MAN1A1: variants seen among roughly 807,000 people sequenced by gnomAD.
MAN1A1 encodes the protein mannosyl-oligosaccharide 1,2-alpha-mannosidase IA.
A neutral mutation model predicts 70.8 loss-of-function variants in MAN1A1; 29 were observed. That is an observed-to-expected ratio of 0.41 (90% CI 0.31 to 0.56). The LOEUF (loss-of-function observed/expected upper bound fraction) is 0.56. Among genes scored for constraint, MAN1A1 ranks in the 20% least tolerant of loss-of-function variants. MAN1A1 has a pLI of 0.29. For synonymous variants in MAN1A1, 349 were observed against 330.1 expected, an observed-to-expected ratio of 1.06 and a Z score of -0.62; for missense variants, 747 against 841.3, an observed-to-expected ratio of 0.89 and a Z score of 1.39.
intron 6 of MAN1A1, 90 bp downstream of exon 6, chr6:119,248,170 A>G (rs1775218705): frequency 3.6e-6 from 3 of 827,620 alleles, no homozygotes; most frequent in Middle Eastern, 2.4e-4. Context: ...CCAGTATCAT[A>G]TAAGTAATTA....
At chr6:119,243,815 G>A (rs928356229) in intron 6 of MAN1A1, among the ~76,000 whole-genome samples, 9 of 152,082 alleles carry the variant, frequency 5.9e-5, no homozygotes, top group Non-Finnish European at 8.8e-5. Flanking sequence ...GTGAGGGGTT[G>A]TGCCTCATTC....
chr6:119,315,968 C>T (rs187637034), intron 2 of MAN1A1, among the ~76,000 whole-genome samples: 8 of 152,202 alleles, frequency 5.3e-5, no homozygotes, highest in African/African-American at 7.2e-5. Flanking sequence ...TTAATTAACA[C>T]GGAAACTTTG....
Position 119,180,382 on chromosome 6 carries a change from T to G in MAN1A1, c.1765A>C (p.Arg589=), listed in dbSNP as rs549921713. 171 of 1,613,906 alleles carry G rather than the reference T, an allele frequency of 1.1e-4. 3 individuals are homozygous for G. The South Asian group carries it at 1.8e-3, about 17-fold the overall frequency. ...CRVNGGYSGL[R]DVYLLHESYD... ...CTCTCATGAAGAAGGTAAACATCCC[T>G]TAGGCCTGAATAGCCTCCATTCACT... Residue 589 remains arginine (R), a synonymous_variant, in exon 12 of 13, where the codon AGG becomes CGG. Transcript: ENST00000368468.
At chr6:119,340,714 C>T (rs185807126) in intron 2 of MAN1A1, among the ~76,000 whole-genome samples, 1 of 152,298 alleles carries the variant, frequency 6.6e-6, no homozygotes, top group African/African-American at 2.4e-5. Context: ...TTTATCCCCT[C>T]ATCTCCATGC....
At chr6:119,199,823 G>A (rs1166508910) in intron 8 of MAN1A1, among the ~76,000 whole-genome samples, 1 of 152,070 alleles carries the variant, frequency 6.6e-6, no homozygotes. Context: ...GGGCCGAGGT[G>A]GGAAGATAGC....
At chr6:119,346,775 T>C (rs1197819877) in intron 2 of MAN1A1, among the ~76,000 whole-genome samples, 1 of 152,226 alleles carries the variant, frequency 6.6e-6, no homozygotes, top group Non-Finnish European at 1.5e-5. Context: ...ACTGTGATTT[T>C]TGTACTAGCT....
At chr6:119,224,994 G>A (rs1400361430) in intron 6 of MAN1A1, among the ~76,000 whole-genome samples, 3 of 152,030 alleles carry the variant, frequency 2.0e-5, no homozygotes, top group Admixed American at 2.0e-4. Flanking sequence ...GGGCATGGTG[G>A]TGCATGCCTG....
chr6:119,212,130 G>A (rs1011522999), intron 6 of MAN1A1, among the ~76,000 whole-genome samples: 2 of 149,764 alleles, frequency 1.3e-5, no homozygotes, highest in Non-Finnish European at 3.0e-5. Context: ...GTGAGCCACT[G>A]TGCCCGGCCA....
In MAN1A1 at chr6:119,313,661, TA is replaced by T. The variant is rs11386650; in HGVS notation, c.604-6670del. 2.0e-3 allele frequency among the ~76,000 whole-genome samples: 296 copies of T among 144,916 alleles called. 1 individual carries two copies. The highest frequency in any genetic ancestry group is 2.6e-3 in the Admixed American group (38 of 14,516). On this transcript the variant is annotated intron_variant, in intron 2 of 12. Coordinates refer to ENST00000368468, the MANE Select transcript of MAN1A1 (RefSeq NM_005907.4). ...AATATTACACAGAACCTACTTATAC[TA>T]AAAAAAAAAAAAGTTGTTTATCTGA... is the stretch of plus-strand genomic sequence containing the variant.
At chr6:119,272,189 T>C (rs547804502) in intron 5 of MAN1A1, among the ~76,000 whole-genome samples, 34 of 152,346 alleles carry the variant, frequency 2.2e-4, no homozygotes, top group African/African-American at 7.7e-4. Context: ...TGTAAACATA[T>C]ACTTTCTAAT....
intron 5 of MAN1A1, among the ~76,000 whole-genome samples, chr6:119,253,774 G>A (rs543074650): frequency 6.6e-6 from 1 of 152,236 alleles, no homozygotes; most frequent in East Asian, 1.9e-4. Flanking sequence ...CATACCTGGG[G>A]CATTGTAATA....
chr6:119,188,373 A>C, intron 11 of MAN1A1, 32 bp downstream of exon 11: 1 of 1,548,804 alleles, frequency 6.5e-7, no homozygotes, highest in East Asian at 2.3e-5. Flanking sequence ...TATGAAATTT[A>C]TCTATAAGAA....
At chr6:119,182,425 C>T (rs914913077) in intron 11 of MAN1A1, among the ~76,000 whole-genome samples, 1 of 151,982 alleles carries the variant, frequency 6.6e-6, no homozygotes, top group African/African-American at 2.4e-5. Context: ...AAAATCATTG[C>T]CAAGCTCAAT....
intron 2 of MAN1A1, among the ~76,000 whole-genome samples, chr6:119,308,239 C>T (rs529508313): frequency 4.3e-4 from 66 of 152,272 alleles, no homozygotes; most frequent in African/African-American, 1.6e-3. Flanking sequence ...TCCAAGCTAG[C>T]CTGACTCCAA....
Position 119,248,347 on chromosome 6 carries a change from C to T in MAN1A1, c.905G>A (p.Arg302Gln), listed in dbSNP as rs774209358. ...TACCCCAAGTTCCACTGCTTTCTTT[C>T]GAAAAATCTGAAAAGTCAAACAGTT... The part of the protein sequence containing the change: ...AYYLSGEEIF[R>Q]KKAVELGVKL... Residue 302 changes from arginine to glutamine, a missense_variant, in exon 6 of 13, where the codon CGA becomes CAA. By Grantham distance (43) the Arg-to-Gln change is conservative (BLOSUM62 1). Transcript: ENST00000368468. The T allele has an allele frequency of 1.1e-5, 17 of 1,605,902 alleles. No individual in the cohort carries two copies. The highest frequency in any genetic ancestry group is 4.0e-5 in the African/African-American group (3 of 74,690).
chr6:119,240,514 A>G (rs889665263), intron 6 of MAN1A1, among the ~76,000 whole-genome samples: 18 of 152,280 alleles, frequency 1.2e-4, no homozygotes, highest in African/African-American at 3.6e-4. Flanking sequence ...GCCTGTGTTC[A>G]GAGGCAGATA....
chr6:119,306,836 T>A, intron 3 of MAN1A1, 60 bp downstream of exon 3: 2 of 1,228,054 alleles, frequency 1.6e-6, no homozygotes, highest in Non-Finnish European at 2.4e-6. Context: ...CCACCATCCA[T>A]AAGCTCAAGC....
intron 5 of MAN1A1, among the ~76,000 whole-genome samples, chr6:119,273,115 T>C (rs1021784502): frequency 3.3e-5 from 5 of 152,284 alleles, no homozygotes; most frequent in Admixed American, 3.3e-4. Flanking sequence ...CTTTAGAGGT[T>C]GGAAAAACTG....
chr6:119,182,356 G>C (rs1266958373), intron 11 of MAN1A1, among the ~76,000 whole-genome samples: 1 of 152,062 alleles, frequency 6.6e-6, no homozygotes, highest in African/African-American at 2.4e-5. Context: ...TTTTTAGTTT[G>C]ATGTAGTTTC....
Sources: gnomAD v4.1 joint callset for allele counts (sites outside exome capture counted in the v4.1 genomes callset) on GRCh38, gnomAD v4.1.1 for gene constraint, MANE v1.5 for transcripts, NCBI Gene and HGNC (gene_info 2026-07-23, HGNC 2026-07-21) for gene names.